ENAH: variants seen among roughly 807,000 people sequenced by gnomAD.
The protein encoded by ENAH is ENAH actin regulator.
A neutral mutation model predicts 78.7 loss-of-function variants in ENAH; 23 were observed. The observed-to-expected ratio is 0.29, with a 90% CI of 0.21 to 0.41. ENAH has a LOEUF of 0.41. Ranked by LOEUF, ENAH falls within the 10% of genes least tolerant of loss-of-function variation. The probability of loss-of-function intolerance (pLI) is 1.00; values close to 1 mark genes in which losing one functional copy is unlikely to be tolerated. For synonymous variants in ENAH, 226 were observed against 241.0 expected (o/e 0.94, Z 0.58); for missense variants, 544 against 691.0 (o/e 0.79, Z 2.39).
chr1:225,624,002 T>C (rs143670811), intron 1 of ENAH, among the ~76,000 whole-genome samples: 134 of 152,362 alleles, frequency 8.8e-4, no homozygotes, highest in African/African-American at 3.1e-3. Flanking sequence ...CTCCTACTTA[T>C]AAGTGAGAAC....
chr1:225,568,417 T>C (rs2096744949), intron 1 of ENAH, among the ~76,000 whole-genome samples: 1 of 152,080 alleles, frequency 6.6e-6, no homozygotes, highest in African/African-American at 2.4e-5. Context: ...AAGCAATGGG[T>C]TCATCTTTCA....
Position 225,519,398 on chromosome 1 carries a change from T to TGCC in ENAH, c.599_601dup (p.Arg200dup). 1 of 1,612,622 alleles carries TGCC rather than the reference T, an allele frequency of 6.2e-7. No individual in the cohort carries two copies. Among genetic ancestry groups the TGCC allele is most frequent in the Non-Finnish European group, 8.5e-7 (1 of 1,179,314 alleles). On this transcript the variant is annotated inframe_insertion, in exon 5 of 14. Coordinates refer to ENST00000366843, the MANE Select transcript of ENAH (RefSeq NM_018212.6). ...GCGTTCCTGCCGCTCCAGGCGTTCC[T>TGCC]GCCGTTCCCGTTCTTGTCTCTCTCT...
chr1:225,513,223 T>C (rs564953472), intron 7 of ENAH, among the ~76,000 whole-genome samples: 1 of 152,278 alleles, frequency 6.6e-6, no homozygotes, highest in African/African-American at 2.4e-5. Context: ...AAGAATGCAA[T>C]GAAACAGTAT....
At chr1:225,590,735 C>G (rs2096871730) in intron 1 of ENAH, among the ~76,000 whole-genome samples, 1 of 152,122 alleles carries the variant, frequency 6.6e-6, no homozygotes, top group Admixed American at 6.5e-5. Context: ...CCAAACATCT[C>G]TACTAACACC....
intron 6 of ENAH, among the ~76,000 whole-genome samples, chr1:225,516,955 G>A (rs929584206): frequency 2.1e-4 from 32 of 150,590 alleles, no homozygotes; most frequent in Admixed American, 9.3e-4. Flanking sequence ...CTTTAACTGC[G>A]ATACTATAAA....
At chr1:225,570,191 A>G (rs1450990182) in intron 1 of ENAH, among the ~76,000 whole-genome samples, 1 of 150,006 alleles carries the variant, frequency 6.7e-6, no homozygotes, top group Non-Finnish European at 1.5e-5. Context: ...AAAAAAATAC[A>G]TTAGGCACTC....
At chr1:225,646,977 A>G (rs1662089798) in intron 1 of ENAH, among the ~76,000 whole-genome samples, 1 of 151,728 alleles carries the variant, frequency 6.6e-6, no homozygotes, top group Admixed American at 6.6e-5. Flanking sequence ...CTATAATCCC[A>G]GCACTTTGGG....
intron 1 of ENAH, 125 bp from the exon 2 acceptor site, chr1:225,567,539 A>C: frequency 1.1e-6 from 1 of 938,884 alleles, no homozygotes; most frequent in Non-Finnish European, 1.5e-6. Context: ...GGAAACAATA[A>C]TGGACAAGAC....
chr1:225,609,953 C>T (rs954779935), intron 1 of ENAH, among the ~76,000 whole-genome samples: 2 of 151,856 alleles, frequency 1.3e-5, no homozygotes, highest in Admixed American at 6.6e-5. Context: ...CATGAGCCAC[C>T]GCGCCCGGCC....
chr1:225,642,680 T>C (rs1661298131), intron 1 of ENAH, among the ~76,000 whole-genome samples: 2 of 152,138 alleles, frequency 1.3e-5, no homozygotes, highest in South Asian at 4.1e-4. Flanking sequence ...GATGCTTTGT[T>C]AAACAGCAGT....
intron 1 of ENAH, among the ~76,000 whole-genome samples, chr1:225,613,906 T>TAATGCC (rs1282660342): frequency 6.6e-6 from 1 of 152,194 alleles, no homozygotes; most frequent in Non-Finnish European, 1.5e-5. Flanking sequence ...CCCCAACTTC[T>TAATGCC]AATGCCAATC....
intron 2 of ENAH, among the ~76,000 whole-genome samples, chr1:225,566,677 T>C (rs1437388011): frequency 6.6e-6 from 1 of 152,210 alleles, no homozygotes; most frequent in Non-Finnish European, 1.5e-5. Flanking sequence ...TGTTGATCTG[T>C]TAAGGCCCAA....
At chr1:225,618,851 T>C (rs931323218) in intron 1 of ENAH, among the ~76,000 whole-genome samples, 4 of 152,182 alleles carry the variant, frequency 2.6e-5, no homozygotes, top group Non-Finnish European at 4.4e-5. Flanking sequence ...TTGCGTTACA[T>C]GCAGGTAAAG....
chr1:225,541,296 T>A lies in ENAH; in HGVS notation c.350-10658A>T, dbSNP rs1383152095. The stretch of plus-strand genomic sequence containing the variant: ...AAAAATACAAAAAATTAGCCAGGCG[T>A]TGGTGGCATGTGCCTGTAATCCCAG... On this transcript the variant is annotated intron_variant, in intron 3 of 13. Coordinates refer to ENST00000366843, the MANE Select transcript of ENAH (RefSeq NM_018212.6). Among the ~76,000 whole-genome samples, 3 of 1,664 alleles carry A rather than the reference T, an allele frequency of 1.8e-3. No homozygotes were observed. In the African/African-American group the frequency reaches 0.026, roughly 15 times the overall value. The allele number at this position is 1,664 out of a possible 152,430, so 1.1% of individuals were successfully genotyped here. A position where few individuals can be genotyped will look rare whatever the true frequency, so the allele number is the denominator to read the frequency against.
chr1:225,559,627 A>G (rs534121143), intron 2 of ENAH, among the ~76,000 whole-genome samples: 3 of 152,288 alleles, frequency 2.0e-5, no homozygotes, highest in Non-Finnish European at 4.4e-5. Context: ...CCAACCTAAT[A>G]GTTCCCTACT....
chr1:225,650,852 A>T (rs1662846468), intron 1 of ENAH, among the ~76,000 whole-genome samples: 1 of 129,562 alleles, frequency 7.7e-6, no homozygotes, highest in Non-Finnish European at 1.6e-5. Flanking sequence ...TGCATTTAAA[A>T]AAAAAAAAAA....
rs1270159820 is a variant in ENAH, at chr1:225,652,785, C to G, written c.-95G>C. On this transcript the variant is annotated 5_prime_UTR_variant, in exon 1 of 14. Transcript: ENST00000366843. ...TCTCCTCCAGGGGTGGGGAGCAGCTCGGAGACGGGAGACAAGTGTCCGGCT... is the reference window on the plus strand; with the variant it reads ...TCTCCTCCAGGGGTGGGGAGCAGCTGGGAGACGGGAGACAAGTGTCCGGCT... 1.8e-6 allele frequency: 2 copies of G among 1,088,620 alleles called. No individual in the cohort carries two copies. Among genetic ancestry groups the G allele is most frequent in the Non-Finnish European group, 2.4e-6 (2 of 843,740 alleles). 67.4% of individuals were successfully genotyped at this position (1,088,620 alleles called of 1,614,324 possible). A position where few individuals can be genotyped will look rare whatever the true frequency, so the allele number is the denominator to read the frequency against.
intron 1 of ENAH, among the ~76,000 whole-genome samples, chr1:225,644,861 T>C (rs1458824157): frequency 1.3e-5 from 2 of 152,214 alleles, no homozygotes; most frequent in Non-Finnish European, 2.9e-5. Flanking sequence ...CTTTTGGTAT[T>C]TGAGACTACT....
chr1:225,652,120 C>G (rs938776849), intron 1 of ENAH, among the ~76,000 whole-genome samples: 1 of 151,840 alleles, frequency 6.6e-6, no homozygotes, highest in Non-Finnish European at 1.5e-5. Context: ...GCCCCCACCA[C>G]GTGAACCTAA....
Sources: gnomAD v4.1 joint callset for allele counts (sites outside exome capture counted in the v4.1 genomes callset) on GRCh38, gnomAD v4.1.1 for gene constraint, MANE v1.5 for transcripts, NCBI Gene and HGNC (gene_info 2026-07-23, HGNC 2026-07-21) for gene names.